The following TTN variants were observed in gnomAD, a reference collection of about 807,000 sequenced individuals.
The protein encoded by TTN is titin, also known as connectin.
A neutral mutation model predicts 3,223.0 loss-of-function variants in TTN; 1,525 were observed. The observed-to-expected ratio is 0.47, with a 90% CI of 0.45 to 0.49. TTN has a LOEUF of 0.49. TTN is among the 20% of genes least tolerant of loss of function. The pLI, the probability that TTN is intolerant of heterozygous loss-of-function variation, is 0.00. For missense variants in TTN, 40,786 were observed against 43,424.0 expected (o/e 0.94, Z 5.40); for synonymous variants, 14,094 against 15,161.0 (o/e 0.93, Z 5.17).
In TTN at chr2:178,607,181, C is replaced by T; in HGVS notation, c.53421G>A (p.Lys17807=). ...TGFIIERKDA[K]MHTWRQPIET... The stretch of plus-strand genomic sequence containing the variant: ...CTATTGGTTGTCTCCAAGTATGCAT[C>T]TTGGCATCTTTTCTTTCAATGATAA... The change falls in exon 278 of 363, where the codon AAG becomes AAA. Residue 17807 remains lysine (K), a synonymous_variant. Transcript: ENST00000589042. 4 of 1,612,990 alleles carry T rather than the reference C, an allele frequency of 2.5e-6. No homozygotes were observed. Among genetic ancestry groups the T allele is most frequent in the Non-Finnish European group, 3.4e-6 (4 of 1,179,284 alleles).
At position 178,714,310 on chromosome 2, in the gene TTN, C is replaced by A; in HGVS notation, c.26464G>T (p.Ala8822Ser). 4 of 1,612,742 alleles carry A rather than the reference C, an allele frequency of 2.5e-6. No homozygotes were observed. The highest frequency in any genetic ancestry group is 2.2e-5 in the South Asian group (2 of 91,042). ...TACTAACCGAGAACGGATAGCGTGG[C>A]GAAGCACTCTTGCATCCCAGCATCG... ...KNDAGMQECF[A>S]TLSVLEPATI... is the part of the protein sequence containing the mutation. Residue 8822 changes from alanine to serine, a missense_variant, in exon 91 of 363, where the codon GCC (alanine) becomes TCC (serine). Ala to Ser is a moderately conservative substitution (Grantham distance 99). Transcript: ENST00000589042.
In TTN at chr2:178,719,409, A is replaced by T; in HGVS notation, c.23981T>A (p.Val7994Glu). The change falls in exon 83 of 363, where the codon GTG becomes GAG. Residue 7994 changes from valine (V) to glutamate (E), a missense_variant. Val to Glu is a moderately radical substitution (Grantham distance 121). Transcript: ENST00000589042. ...AACTGAGGCCCCCAGGATGGCATTC[A>T]CGTCTTTCAGCTTGCGGATGAAGGA... ...PPSFIRKLKDVNAILGASVVL... is the reference protein window; with the variant it reads ...PPSFIRKLKDENAILGASVVL... 1 of 1,613,270 alleles carries T rather than the reference A, an allele frequency of 6.2e-7. No individual in the cohort carries two copies. The highest frequency in any genetic ancestry group is 8.5e-7 in the Non-Finnish European group (1 of 1,179,392).
In TTN at chr2:178,707,638, C is replaced by T. The variant is rs1473228553; in HGVS notation, c.28929G>A (p.Gly9643=). 6.2e-7 allele frequency: 1 copy of T among 1,613,900 alleles called. No individual in the cohort carries two copies. The highest frequency in any genetic ancestry group is 2.2e-5 in the East Asian group (1 of 44,884). ...CATCTCTGAGTTCCAGTACAGCTGT[C>T]CCACTAGCAAAGCTGAAGCTGCATC... ...SDRCSFSFAS[G]TAVLELRDVA... The change falls in exon 100 of 363, where the codon GGG becomes GGA. Residue 9643 remains glycine (G), a synonymous_variant. Coordinates refer to ENST00000589042, the MANE Select transcript of TTN (RefSeq NM_001267550.2).
chr2:178,591,640 A>T lies in TTN; in HGVS notation c.60179T>A (p.Leu20060His), dbSNP rs143364796. ...TTCTATCGGGATAGTTGTGTCAGGGAGACCAAGACCCACAATGTTTTCAGC... is the reference window on the plus strand; with the variant it reads ...TTCTATCGGGATAGTTGTGTCAGGGTGACCAAGACCCACAATGTTTTCAGC... ...VKAENIVGLG[L>H]PDTTIPIECQ... The change falls in exon 303 of 363, where the codon CTC becomes CAC. Residue 20060 changes from leucine to histidine, a missense_variant. Leu to His is a moderately conservative substitution (Grantham distance 99). Coordinates refer to ENST00000589042, the MANE Select transcript of TTN (RefSeq NM_001267550.2). 24 of 1,613,476 alleles carry T rather than the reference A, an allele frequency of 1.5e-5. No homozygotes were observed. The East Asian group carries it at 5.1e-4, about 35-fold the overall frequency.
At chr2:178,681,262 A>G in intron 137 of TTN, 91 bp from the exon 138 acceptor site, 2 of 1,446,414 alleles carry the variant, frequency 1.4e-6, no homozygotes, top group South Asian at 1.3e-5. Flanking sequence ...TGTAAGAATC[A>G]GGACAAGAAC....
rs762434465 is a variant in TTN at position 178,718,909 on chromosome 2, G to C, written c.24291C>G (p.Phe8097Leu). Residue 8097 changes from phenylalanine to leucine, a missense_variant, in exon 84 of 363, where the codon TTC (phenylalanine) becomes TTG (leucine). Coordinates refer to ENST00000589042, the MANE Select transcript of TTN (RefSeq NM_001267550.2). ...GAGGGGTGCCTCTGATGACACTGGT[G>C]AATGTGAGGCTCATTCCAGGCAAAA... ...VEVLPGMSLT[F>L]TSVIRGTPPF... The C allele has an allele frequency of 1.9e-6, 3 of 1,613,220 alleles. No homozygotes were observed. Among genetic ancestry groups the C allele is most frequent in the Non-Finnish European group, 2.5e-6 (3 of 1,179,550 alleles).
chr2:178,771,487 T>G lies in TTN; in HGVS notation c.7856-16A>C. 6.2e-7 allele frequency: 1 copy of G among 1,613,856 alleles called. No homozygotes were observed. Among genetic ancestry groups the G allele is most frequent in the Non-Finnish European group, 8.5e-7 (1 of 1,179,796 alleles). ...ATGGCCCCACCTTTGGAACAAGAGA[T>G]GTACAGTATGAGTCCTTTAAACATA... is the stretch of plus-strand genomic sequence containing the variant. On this transcript the variant is annotated splice_polypyrimidine_tract_variant and intron_variant, in intron 33 of 362. Coordinates refer to ENST00000589042, the MANE Select transcript of TTN (RefSeq NM_001267550.2).
Position 178,575,217 on chromosome 2 carries a change from A to G in TTN, c.70915T>C (p.Tyr23639His). The G allele has an allele frequency of 6.2e-7, 1 of 1,612,924 alleles. No individual in the cohort carries two copies. Among genetic ancestry groups the G allele is most frequent in the Non-Finnish European group, 8.5e-7 (1 of 1,179,458 alleles). The change falls in exon 326 of 363, where the codon TAT becomes CAT. Residue 23639 changes from tyrosine to histidine, a missense_variant. By Grantham distance (83) the Tyr-to-His change is moderately conservative. Coordinates refer to ENST00000589042, the MANE Select transcript of TTN (RefSeq NM_001267550.2). The surrounding 1 kb of genome is among the most constrained non-coding windows in gnomAD (Gnocchi z 4.0). ...GCTTTGGCAATGACCAGTTTCTGAT[A>G]GATGCCACGGAGATCCAGCTCTGGA... ...MLPELDLRGI[Y>H]QKLVIAKAGD...
At position 178,564,914 on chromosome 2, in the gene TTN, G is replaced by C; in HGVS notation, c.81218C>G (p.Pro27073Arg). 1 of 1,612,390 alleles carries C rather than the reference G, an allele frequency of 6.2e-7. No individual in the cohort carries two copies. Among genetic ancestry groups the C allele is most frequent in the Non-Finnish European group, 8.5e-7 (1 of 1,179,316 alleles). Reference sequence around the variant, plus strand: ...CACAAAAGGAGTTCCAGGTGGTCCAGGTTCTTTAAATGGATATTGTACAAT... The same window carrying C: ...CACAAAAGGAGTTCCAGGTGGTCCACGTTCTTTAAATGGATATTGTACAAT... The part of the protein sequence containing the change: ...AVIVQYPFKE[P>R]GPPGTPFVTS... Residue 27073 changes from proline to arginine, a missense_variant, in exon 326 of 363, where the codon CCT becomes CGT. Pro to Arg is a moderately radical substitution (Grantham distance 103). Transcript: ENST00000589042.
rs771200026 is a variant in TTN at position 178,724,358 on chromosome 2, C to T, written c.21017G>A (p.Arg7006Lys). ...FSFYNKISSL[R>K]ILSVERQDAG... The stretch of plus-strand genomic sequence containing the variant: ...ATCTTGCCTTTCAACTGAGAGAATC[C>T]TTAAGGAAGAGATTTTGTTGTAGAA... The change falls in exon 72 of 363, where the codon AGG (arginine) becomes AAG (lysine). Residue 7006 changes from arginine to lysine, a missense_variant. Physicochemically the swap from Arg to Lys is conservative, Grantham distance 26. Coordinates refer to ENST00000589042, the MANE Select transcript of TTN (RefSeq NM_001267550.2). 4 of 1,613,434 alleles carry T rather than the reference C, an allele frequency of 2.5e-6. No homozygotes were observed. The African/African-American group carries it at 5.3e-5, about 22-fold the overall frequency.
At position 178,685,312 on chromosome 2, in the gene TTN, T is replaced by A; in HGVS notation, c.32411A>T (p.Lys10804Met). 1 of 1,551,760 alleles carries A rather than the reference T, an allele frequency of 6.4e-7. No individual in the cohort carries two copies. The highest frequency in any genetic ancestry group is 1.2e-5 in the South Asian group (1 of 83,472). The change falls in exon 129 of 363, where the codon AAG (lysine) becomes ATG (methionine). Residue 10804 changes from lysine to methionine, a missense_variant. Lys to Met is a moderately conservative substitution (Grantham distance 95, BLOSUM62 -1). Transcript: ENST00000589042. ...EPAEVTERQE[K>M]KIVLKPKIPA... Reference sequence around the variant, plus strand: ...AATTTTTGGTTTCAGTACAATTTTCTTCTCCTGCCTCTCTGTCACTTGAAA... The same window carrying A: ...AATTTTTGGTTTCAGTACAATTTTCATCTCCTGCCTCTCTGTCACTTGAAA...
At chr2:178,748,740 T>C (rs752332941) in intron 47 of TTN, 8 of 1,612,590 alleles carry the variant, frequency 5.0e-6, no homozygotes, top group East Asian at 2.2e-5. Flanking sequence ...ATAAGACTTA[T>C]TTTTTCCTGT....
At chr2:178,702,300 C>G (rs2075148700) in intron 107 of TTN, 55 bp from the exon 108 acceptor site, 2 of 1,610,422 alleles carry the variant, frequency 1.2e-6, no homozygotes, top group Admixed American at 3.3e-5. Flanking sequence ...AATAACACTT[C>G]TTTACTTCAA....
rs1416779237 is a variant in TTN, at chr2:178,572,575, T to A, written c.73557A>T (p.Thr24519=). 1.2e-6 allele frequency: 2 copies of A among 1,613,346 alleles called. No individual in the cohort carries two copies. Among genetic ancestry groups the A allele is most frequent in the Non-Finnish European group, 1.7e-6 (2 of 1,179,622 alleles). The part of the protein sequence containing the change: ...SAFVNVRVLD[T]PGPPQDLKVK... Reference sequence around the variant, plus strand: ...CCTTCAGATCCTGTGGGGGGCCTGGTGTATCGAGAACTCTAACATTGACAA... The same window carrying A: ...CCTTCAGATCCTGTGGGGGGCCTGGAGTATCGAGAACTCTAACATTGACAA... The change falls in exon 326 of 363, where the codon ACA becomes ACT. Residue 24519 remains threonine, a synonymous_variant. Coordinates refer to ENST00000589042, the MANE Select transcript of TTN (RefSeq NM_001267550.2).
At position 178,802,215 on chromosome 2, in the gene TTN, G is replaced by C; in HGVS notation, c.218C>G (p.Ala73Gly). The C allele has an allele frequency of 6.2e-7, 1 of 1,614,142 alleles. No individual in the cohort carries two copies. Among genetic ancestry groups the C allele is most frequent in the Non-Finnish European group, 8.5e-7 (1 of 1,180,026 alleles). The change falls in exon 3 of 363, where the codon GCC (alanine) becomes GGC (glycine). Residue 73 changes from alanine (A) to glycine (G), a missense_variant. By Grantham distance (60) the Ala-to-Gly change is moderately conservative. Coordinates refer to ENST00000589042, the MANE Select transcript of TTN (RefSeq NM_001267550.2). Reference protein sequence around the residue: ...AKLTIPAVTKANSGRYSLKAT... With the variant: ...AKLTIPAVTKGNSGRYSLKAT... ...TTTCAGGGAATATCGTCCACTGTTGGCTTTAGTCACGGCGGGGATCGTCAG... is the reference window on the plus strand; with the variant it reads ...TTTCAGGGAATATCGTCCACTGTTGCCTTTAGTCACGGCGGGGATCGTCAG...
In TTN at chr2:178,777,533, C is replaced by G. The variant is rs751606948; in HGVS notation, c.4532G>C (p.Gly1511Ala). ...AGGGACAATAATTAGTGATTGAGTA[C>G]CATCTTCTTTAATGACTACTTTATG... The part of the protein sequence containing the change: ...YTHKVVIKED[G>A]TQSLIIVPAT... The change falls in exon 26 of 363, where the codon GGT (glycine) becomes GCT (alanine). Residue 1511 changes from glycine to alanine, a missense_variant. Transcript: ENST00000589042. 2 of 1,613,894 alleles carry G rather than the reference C, an allele frequency of 1.2e-6. No individual in the cohort carries two copies. Among genetic ancestry groups the G allele is most frequent in the Middle Eastern group, 1.6e-4 (1 of 6,062 alleles).
At chr2:178,677,476 C>T (rs1294617433) in intron 146 of TTN, 145 bp downstream of exon 146, 1 of 857,360 alleles carries the variant, frequency 1.2e-6, no homozygotes, top group East Asian at 2.7e-5. Flanking sequence ...AATAAGAACA[C>T]ACATGTCTGG....
chr2:178,769,867 A>G lies in TTN; in HGVS notation c.8714T>C (p.Val2905Ala). 1 of 1,614,088 alleles carries G rather than the reference A, an allele frequency of 6.2e-7. No individual in the cohort carries two copies. Among genetic ancestry groups the G allele is most frequent in the Non-Finnish European group, 8.5e-7 (1 of 1,179,984 alleles). Residue 2905 changes from valine to alanine, a missense_variant, in exon 37 of 363, where the codon GTG becomes GCG. Physicochemically the swap from Val to Ala is moderately conservative, Grantham distance 64. Coordinates refer to ENST00000589042, the MANE Select transcript of TTN (RefSeq NM_001267550.2). Reference protein sequence around the residue: ...ETKTASFECEVSHFNVPSMWL... With the variant: ...ETKTASFECEASHFNVPSMWL... ...CATGGAAGGGACATTGAAGTGGGAC[A>G]CCTCACACTCAAAAGAGGCAGTTTT... is the stretch of plus-strand genomic sequence containing the variant.
chr2:178,749,314 T>C (rs1339166114), intron 47 of TTN: 2 of 1,612,258 alleles, frequency 1.2e-6, no homozygotes, highest in Non-Finnish European at 1.7e-6. Context: ...CATGTCTCTC[T>C]TTCCCTTCAG....
Sources: allele counts gnomAD v4.1 joint callset, GRCh38; gene constraint gnomAD v4.1.1; non-coding constraint Gnocchi (gnomAD v3.1); transcripts MANE v1.5; gene names NCBI Gene and HGNC (gene_info 2026-07-23, HGNC 2026-07-21).